Variants in RNASEL observed in about 807,000 individuals in gnomAD.
RNASEL encodes 2-5A-dependent ribonuclease.
In RNASEL, 36 loss-of-function variants were observed where a neutral mutation model predicts 50.9. The ratio of observed to expected loss-of-function variants is 0.71; its 90% CI spans 0.54 to 0.93. The LOEUF is 0.93. RNASEL is among the 40% of genes least tolerant of loss of function. The probability of loss-of-function intolerance (pLI) is 0.00; values close to 1 mark genes in which losing one functional copy is unlikely to be tolerated. For missense variants in RNASEL, 860 were observed against 894.5 expected (o/e 0.96, Z 0.49); for synonymous variants, 335 against 335.6 (o/e 1.00, Z 0.02).
intron 5 of RNASEL, among the ~76,000 whole-genome samples, chr1:182,580,464 T>A (rs768339092): frequency 6.6e-6 from 1 of 152,234 alleles, no homozygotes; most frequent in East Asian, 1.9e-4. Context: ...TCTCCCATAG[T>A]GCTTTGCACA....
At chr1:182,579,284 T>C (rs1038068374) in intron 5 of RNASEL, 1 of 985,954 alleles carries the variant, frequency 1.0e-6, no homozygotes, top group Non-Finnish European at 1.2e-6. Flanking sequence ...ACTCCTTTCA[T>C]ATCACAGTAA....
At chr1:182,577,403 G>A (rs1006357661) in intron 5 of RNASEL, among the ~76,000 whole-genome samples, 82 of 152,062 alleles carry the variant, frequency 5.4e-4, no homozygotes, top group Admixed American at 5.0e-3. Context: ...TTTCAAATTC[G>A]TACTTGATTA....
Position 182,585,354 on chromosome 1 carries a change from C to T in RNASEL, c.1453G>A (p.Asp485Asn), listed in dbSNP as rs770951543. 1.9e-6 allele frequency: 3 copies of T among 1,614,040 alleles called. No homozygotes were observed. Among genetic ancestry groups the T allele is most frequent in the South Asian group, 2.2e-5 (2 of 91,056 alleles). The change falls in exon 2 of 7, where the codon GAT (aspartate) becomes AAT (asparagine). Residue 485 changes from aspartate to asparagine, a missense_variant. Physicochemically the swap from Asp to Asn is conservative, Grantham distance 23. Transcript: ENST00000367559. Reference protein sequence around the residue: ...LHLSCGYTHQDLQPQNILIDS... With the variant: ...LHLSCGYTHQNLQPQNILIDS... The stretch of plus-strand genomic sequence containing the variant: ...ATTAAGATGTTTTGTGGTTGCAGAT[C>T]CTGGTGGGTGTATCCACAGGACAAG...
At position 182,587,749 on chromosome 1, in the gene RNASEL, G is replaced by A. The variant is rs561801259; in HGVS notation, c.-164-779C>T. Among the ~76,000 whole-genome samples the A allele has an allele frequency of 3.2e-4, 48 of 152,096 alleles. 1 individual carries two copies. The South Asian group carries it at 1.0e-2, about 32-fold the overall frequency. ...TTGCATTTCTTATGTCACCAGGAAG[G>A]TTGATCACTGTGTTTGCTGACTCTG... On this transcript the variant is annotated intron_variant, in intron 1 of 6. Coordinates refer to ENST00000367559, the MANE Select transcript of RNASEL (RefSeq NM_021133.4).
chr1:182,581,413 T>G (rs1365086560), intron 4 of RNASEL, 56 bp from the exon 5 acceptor site: 6 of 1,610,608 alleles, frequency 3.7e-6, no homozygotes, highest in Non-Finnish European at 4.2e-6. Flanking sequence ...TCCCTTTCCT[T>G]TTCCAGAAAA....
rs761286296 is a variant in RNASEL, at chr1:182,575,497, T to C, written c.2121A>G (p.Leu707=). 2 of 1,614,200 alleles carry C rather than the reference T, an allele frequency of 1.2e-6. No homozygotes were observed. Among genetic ancestry groups the C allele is most frequent in the Admixed American group, 1.7e-5 (1 of 60,030 alleles). ...PDLVIYVYTK[L]QNTEYRKHFP... The stretch of plus-strand genomic sequence containing the variant: ...AATGCTTTCTATATTCTGTGTTCTG[T>C]AGTTTTGTGTAGACATAGATCACCA... Residue 707 remains leucine, a synonymous_variant, in exon 7 of 7, where the codon CTA becomes CTG. Coordinates refer to ENST00000367559, the MANE Select transcript of RNASEL (RefSeq NM_021133.4).
At position 182,573,832 on chromosome 1, in the gene RNASEL, T is replaced by C. The variant is rs1661335720; in HGVS notation, c.*1560A>G. 5.3e-6 allele frequency: 1 copy of C among 189,360 alleles called. No homozygotes were observed. The highest frequency in any genetic ancestry group is 1.1e-5 in the Non-Finnish European group (1 of 90,230). The allele number at this position is 189,360 out of a possible 1,614,324, so 11.7% of individuals were successfully genotyped here. The stretch of plus-strand genomic sequence containing the variant: ...TCATTCAGTGGTATCTATTTATCCA[T>C]TGCTAGATACCTCCTTTTCAGAAAG... On this transcript the variant is annotated 3_prime_UTR_variant, in exon 7 of 7. Transcript: ENST00000367559.
At position 182,586,911 on chromosome 1, in the gene RNASEL, T is replaced by C. The variant is rs1661612515; in HGVS notation, c.-105A>G. On this transcript the variant is annotated 5_prime_UTR_variant, in exon 2 of 7. Coordinates refer to ENST00000367559, the MANE Select transcript of RNASEL (RefSeq NM_021133.4). ...AAGCTTTGAGTGTAAATTGGGATTC[T>C]CTGGCAACAGAGCAGCAGTATGAAG... The C allele has an allele frequency of 6.9e-7, 1 of 1,453,736 alleles. No individual in the cohort carries two copies. The highest frequency in any genetic ancestry group is 1.4e-5 in the African/African-American group (1 of 71,840). 90.1% of individuals were successfully genotyped at this position (1,453,736 alleles called of 1,614,324 possible). A position where few individuals can be genotyped will look rare whatever the true frequency, so the allele number is the denominator to read the frequency against.
chr1:182,589,003 G>A (rs1292645222), intron 1 of RNASEL, among the ~76,000 whole-genome samples, 164 bp downstream of exon 1: 1 of 152,202 alleles, frequency 6.6e-6, no homozygotes, highest in Admixed American at 6.5e-5. Context: ...ACAGAACTCT[G>A]GAAGGGCACT....
Position 182,585,942 on chromosome 1 carries a change from C to A in RNASEL, c.865G>T (p.Ala289Ser), listed in dbSNP as rs35553278. Reference protein sequence around the residue: ...LAVELKLKKIAELLCKRGAST... With the variant: ...LAVELKLKKISELLCKRGAST... ...GCTCCACGTTTGCACAGCAACTCGG[C>A]GATTTTCTTCAGTTTGAGTTCAACA... is the stretch of plus-strand genomic sequence containing the variant. Residue 289 changes from alanine to serine, a missense_variant, in exon 2 of 7, where the codon GCC (alanine) becomes TCC (serine). By Grantham distance (99) the Ala-to-Ser change is moderately conservative. Transcript: ENST00000367559. The A allele has an allele frequency of 9.3e-6, 15 of 1,614,036 alleles. No homozygotes were observed. Among genetic ancestry groups the A allele is most frequent in the Non-Finnish European group, 1.3e-5 (15 of 1,180,024 alleles).
chr1:182,581,465 T>TTTTA, intron 4 of RNASEL, 108 bp from the exon 5 acceptor site: 2 of 1,184,632 alleles, frequency 1.7e-6, no homozygotes, highest in Non-Finnish European at 2.3e-6. Flanking sequence ...CTTTCTTGGT[T>TTTTA]TTTCTTTCTT....
At chr1:182,579,476 T>C (rs530696578) in intron 5 of RNASEL, 4 of 1,020,904 alleles carry the variant, frequency 3.9e-6, no homozygotes, top group Admixed American at 5.2e-5. Flanking sequence ...ACTGGCCAGG[T>C]GCACTCTGTG....
rs1260761255 is a variant in RNASEL, at chr1:182,575,448, T to G, written c.2170A>C (p.Lys724Gln). 2.5e-6 allele frequency: 4 copies of G among 1,614,202 alleles called. No individual in the cohort carries two copies. The highest frequency in any genetic ancestry group is 3.4e-6 in the Non-Finnish European group (4 of 1,180,030). The change falls in exon 7 of 7, where the codon AAG becomes CAG. Residue 724 changes from lysine to glutamine, a missense_variant. Lys to Gln is a moderately conservative substitution (Grantham distance 53, BLOSUM62 1). Coordinates refer to ENST00000367559, the MANE Select transcript of RNASEL (RefSeq NM_021133.4). The stretch of plus-strand genomic sequence containing the variant: ...CCACCAGCTCCATCACACTGAGGCT[T>G]GTTTGGACTGTGGGTTTGGGGGAAA... Reference protein sequence around the residue: ...KHFPQTHSPNKPQCDGAGGAS... With the variant: ...KHFPQTHSPNQPQCDGAGGAS...
At chr1:182,587,267 A>G (rs1661618431) in intron 1 of RNASEL, among the ~76,000 whole-genome samples, 1 of 152,170 alleles carries the variant, frequency 6.6e-6, no homozygotes, top group Non-Finnish European at 1.5e-5. Context: ...ATACCATACT[A>G]TAAGTCATTT....
chr1:182,579,444 T>C (rs772413189), intron 5 of RNASEL: 5 of 1,002,126 alleles, frequency 5.0e-6, no homozygotes, highest in Non-Finnish European at 6.0e-6. Context: ...GAAAGAGCAA[T>C]GCTAGTGAGG....
At chr1:182,584,282 A>G (rs2102369025) in intron 2 of RNASEL, 116 bp from the exon 3 acceptor site, 2 of 749,338 alleles carry the variant, frequency 2.7e-6, no homozygotes, top group Admixed American at 3.9e-5. Context: ...GTGGAAGGCA[A>G]TAATAAACCT....
At position 182,586,720 on chromosome 1, in the gene RNASEL, C is replaced by A. The variant is rs1477530395; in HGVS notation, c.87G>T (p.Leu29=). The change falls in exon 2 of 7, where the codon CTG becomes CTT. Residue 29 remains leucine (L), a synonymous_variant. Coordinates refer to ENST00000367559, the MANE Select transcript of RNASEL (RefSeq NM_021133.4). The stretch of plus-strand genomic sequence containing the variant: ...CATCTTCGTTTTGAACAGCTTTAAT[C>A]AGCAAGTGATTGTCTTCCACTGCAG... The part of the protein sequence containing the change: ...RRAAVEDNHL[L]IKAVQNEDVD... The A allele has an allele frequency of 6.2e-7, 1 of 1,614,258 alleles. No individual in the cohort carries two copies. Among genetic ancestry groups the A allele is most frequent in the Non-Finnish European group, 8.5e-7 (1 of 1,180,050 alleles).
chr1:182,585,425 G>A lies in RNASEL; in HGVS notation c.1382C>T (p.Ala461Val), dbSNP rs1230622803. The change falls in exon 2 of 7, where the codon GCC becomes GTC. Residue 461 changes from alanine (A) to valine (V), a missense_variant. Ala to Val is a moderately conservative substitution (Grantham distance 64, BLOSUM62 0). Transcript: ENST00000367559. Reference protein sequence around the residue: ...EDVENEEDEFARNVLSSIFKA... With the variant: ...EDVENEEDEFVRNVLSSIFKA... The stretch of plus-strand genomic sequence containing the variant: ...AAATATAGATGACAGGACATTTCGG[G>A]CAAATTCATCTTCCTCATTTTCCAC... 4 of 1,614,000 alleles carry A rather than the reference G, an allele frequency of 2.5e-6. No homozygotes were observed. The highest frequency in any genetic ancestry group is 3.4e-6 in the Non-Finnish European group (4 of 1,180,036).
At position 182,582,134 on chromosome 1, in the gene RNASEL, T is replaced by G. The variant is rs780288143; in HGVS notation, c.1691A>C (p.His564Pro). Residue 564 changes from histidine (H) to proline (P), a missense_variant, in exon 4 of 7, where the codon CAT becomes CCT. By Grantham distance (77) the His-to-Pro change is moderately conservative. Coordinates refer to ENST00000367559, the MANE Select transcript of RNASEL (RefSeq NM_021133.4). ...SPDEETKDLI[H>P]RLFHPGEHVR... ...ATGTTCCCCAGGATGGAAGAGACGA[T>G]GAATGAGGTCCTTAGTTTCCTCATC... 4 of 1,614,202 alleles carry G rather than the reference T, an allele frequency of 2.5e-6. 1 individual carries two copies. In the South Asian group the frequency reaches 4.4e-5, roughly 18 times the overall value.
Sources: gnomAD v4.1 joint callset for allele counts (sites outside exome capture counted in the v4.1 genomes callset) on GRCh38, gnomAD v4.1.1 for gene constraint, MANE v1.5 for transcripts, NCBI Gene and HGNC (gene_info 2026-07-23, HGNC 2026-07-21) for gene names.